DPYD: variants seen among roughly 807,000 people sequenced by gnomAD.
DPYD encodes the protein dihydropyrimidine dehydrogenase [NADP(+)].
In DPYD, 109 loss-of-function variants were observed where a neutral mutation model predicts 116.2. That is an observed-to-expected ratio of 0.94 (90% CI 0.80 to 1.10). The LOEUF is 1.10. DPYD is among the 50% of genes least tolerant of loss of function. The probability of loss-of-function intolerance (pLI) is 0.00; values close to 1 mark genes in which losing one functional copy is unlikely to be tolerated. For missense variants in DPYD, 1,302 were observed against 1,254.5 expected (o/e 1.04, Z -0.57); for synonymous variants, 440 against 432.0 (o/e 1.02, Z -0.23).
At chr1:97,895,629 A>G (rs979145336) in intron 1 of DPYD, among the ~76,000 whole-genome samples, 4 of 151,718 alleles carry the variant, frequency 2.6e-5, no homozygotes, top group Non-Finnish European at 5.9e-5. Flanking sequence ...AAGGATTATC[A>G]TATCTATTTT....
At chr1:97,136,901 T>C (rs2101684720) in intron 20 of DPYD, among the ~76,000 whole-genome samples, 1 of 152,280 alleles carries the variant, frequency 6.6e-6, no homozygotes, top group Middle Eastern at 3.4e-3. Flanking sequence ...ATTTGTCGAC[T>C]AGAAAGAATC....
At chr1:97,640,155 T>C (rs1324808934) in intron 8 of DPYD, among the ~76,000 whole-genome samples, 1 of 152,168 alleles carries the variant, frequency 6.6e-6, no homozygotes, top group Non-Finnish European at 1.5e-5. Flanking sequence ...GACTTACAGA[T>C]TTAAAGGGTA....
At chr1:97,080,188 T>C (rs1286134706) in intron 22 of DPYD, among the ~76,000 whole-genome samples, 2 of 152,054 alleles carry the variant, frequency 1.3e-5, no homozygotes, top group African/African-American at 4.8e-5. Flanking sequence ...TCAGACTGTG[T>C]ACTACTTTGA....
At chr1:97,257,883 G>A (rs980758766) in intron 18 of DPYD, among the ~76,000 whole-genome samples, 3 of 152,064 alleles carry the variant, frequency 2.0e-5, no homozygotes. Context: ...GTATGTTAAT[G>A]ACTCCAGTAA....
rs149101842 is a variant in DPYD, at chr1:97,515,816, G to A, written c.1650C>T (p.Ser550=). 23 of 1,612,846 alleles carry A rather than the reference G, an allele frequency of 1.4e-5. No homozygotes were observed. The highest frequency in any genetic ancestry group is 3.3e-5 in the South Asian group (3 of 91,056). The change falls in exon 13 of 23, where the codon AGC becomes AGT. Residue 550 remains serine (S), a synonymous_variant. Coordinates refer to ENST00000370192, the MANE Select transcript of DPYD (RefSeq NM_000110.4). ...TTGATGTGCTGGTGGCTGGAGTTGC[G>A]CTAGCAAGACCAAAAGGATTTATAA... The part of the protein sequence containing the change: ...LKFINPFGLA[S]ATPATSTSMI...
chr1:97,907,739 CCTTT>C (rs1270532095), intron 1 of DPYD, among the ~76,000 whole-genome samples: 1 of 152,022 alleles, frequency 6.6e-6, no homozygotes, highest in African/African-American at 2.4e-5. Flanking sequence ...TTCCTTCCTT[CCTTT>C]CTTCCTTCCA....
chr1:97,316,104 A>G (rs1667812652), intron 16 of DPYD, among the ~76,000 whole-genome samples: 1 of 151,992 alleles, frequency 6.6e-6, no homozygotes, highest in Non-Finnish European at 1.5e-5. Flanking sequence ...ATTATCCATC[A>G]AGGGAGGATG....
chr1:97,758,041 A>T (rs939664453), intron 3 of DPYD, among the ~76,000 whole-genome samples: 4 of 152,130 alleles, frequency 2.6e-5, no homozygotes, highest in African/African-American at 9.7e-5. Flanking sequence ...ATCTCCCATC[A>T]CAAAATACTT....
At chr1:97,342,746 G>A (rs1295774616) in intron 16 of DPYD, among the ~76,000 whole-genome samples, 13 of 152,120 alleles carry the variant, frequency 8.5e-5, no homozygotes, top group Admixed American at 5.2e-4. Context: ...AGTTGAAGTC[G>A]TGGTAAGGGT....
chr1:97,797,747 C>G (rs546585601), intron 3 of DPYD: 2 of 151,962 alleles, frequency 1.3e-5, no homozygotes, highest in South Asian at 4.1e-4. Flanking sequence ...CATCATGAGG[C>G]CAGCACTATT....
intron 12 of DPYD, among the ~76,000 whole-genome samples, chr1:97,542,900 C>T (rs1382391048): frequency 6.6e-6 from 1 of 152,092 alleles, no homozygotes; most frequent in Non-Finnish European, 1.5e-5. Flanking sequence ...TTTCAATATT[C>T]ATCTGTTAAG....
In DPYD at chr1:97,687,741, A is replaced by T. The variant is rs147733378; in HGVS notation, c.762+3976T>A. Reference sequence around the variant, plus strand: ...GGAATCAACCAAAATGCCCATCAATAATATAGTGGATAAAGAAAATGTGGT... The same window carrying T: ...GGAATCAACCAAAATGCCCATCAATTATATAGTGGATAAAGAAAATGTGGT... On this transcript the variant is annotated intron_variant, in intron 7 of 22. Coordinates refer to ENST00000370192, the MANE Select transcript of DPYD (RefSeq NM_000110.4). Among the ~76,000 whole-genome samples, 273 of 152,272 alleles carry T rather than the reference A, an allele frequency of 1.8e-3. 3 individuals are homozygous for T. Among genetic ancestry groups the T allele is most frequent in the African/African-American group, 6.1e-3 (253 of 41,548 alleles).
intron 3 of DPYD, among the ~76,000 whole-genome samples, chr1:97,796,574 A>C (rs1021384646): frequency 3.3e-5 from 5 of 152,140 alleles, no homozygotes; most frequent in African/African-American, 1.2e-4. Context: ...AATACTCTAC[A>C]TTAATTGGTA....
chr1:97,285,647 C>A (rs536554134), intron 18 of DPYD, among the ~76,000 whole-genome samples: 2 of 150,910 alleles, frequency 1.3e-5, no homozygotes, highest in South Asian at 2.1e-4. Context: ...GCCATTCTGA[C>A]AATTGGCTGA....
chr1:97,389,203 G>A (rs1672530903), intron 14 of DPYD, among the ~76,000 whole-genome samples: 1 of 151,780 alleles, frequency 6.6e-6, no homozygotes, highest in Non-Finnish European at 1.5e-5. Context: ...AGCTACTCAG[G>A]AGGCTGAGGC....
rs1661017978 is a variant in DPYD, at chr1:97,691,718, T to C, written c.761A>G (p.Lys254Arg). 6.2e-7 allele frequency: 1 copy of C among 1,613,328 alleles called. No individual in the cohort carries two copies. Among genetic ancestry groups the C allele is most frequent in the Non-Finnish European group, 8.5e-7 (1 of 1,179,550 alleles). The change falls in exon 7 of 23, where the codon AAG becomes AGG. Residue 254 changes from lysine to arginine, a missense_variant and splice_region_variant. Coordinates refer to ENST00000370192, the MANE Select transcript of DPYD (RefSeq NM_000110.4). ...CAGATAGGTGTTTTTTTCATTTACC[T>C]TTACACCAAGGTCCTTCATTAGCTC... ...EIELMKDLGV[K>R]IICGKSLSVN...
intron 8 of DPYD, among the ~76,000 whole-genome samples, chr1:97,650,271 A>G (rs1209881977): frequency 6.6e-6 from 1 of 152,154 alleles, no homozygotes; most frequent in Non-Finnish European, 1.5e-5. Flanking sequence ...TTTCAAGTGC[A>G]GCTCTTTCCC....
intron 4 of DPYD, among the ~76,000 whole-genome samples, chr1:97,733,410 C>A (rs956944542): frequency 6.6e-6 from 1 of 151,986 alleles, no homozygotes. Flanking sequence ...AACTAAATTA[C>A]ATCCTCCCCT....
intron 18 of DPYD, among the ~76,000 whole-genome samples, chr1:97,257,435 G>GTATA (rs60425146): frequency 0.04 from 5,506 of 135,994 alleles, 151 homozygotes; most frequent in South Asian, 0.06. Flanking sequence ...ATATACATAC[G>GTATA]TATATATATA....
Sources: allele counts gnomAD v4.1 joint callset (sites outside exome capture counted in the v4.1 genomes callset), GRCh38; gene constraint gnomAD v4.1.1; transcripts MANE v1.5; gene names NCBI Gene and HGNC (gene_info 2026-07-23, HGNC 2026-07-21).